Variants in NR3C2 observed in about 807,000 individuals in gnomAD.
NR3C2 encodes the protein mineralocorticoid receptor.
In NR3C2, 15 loss-of-function variants were observed where a neutral mutation model predicts 86.4. That is an observed-to-expected ratio of 0.17 (90% CI 0.12 to 0.27). The LOEUF is 0.27. NR3C2 is among the 10% of genes least tolerant of loss of function. The pLI, the probability that NR3C2 is intolerant of heterozygous loss-of-function variation, is 1.00. For missense variants in NR3C2, 960 were observed against 1,195.6 expected, an observed-to-expected ratio of 0.80 and a Z score of 2.91; for synonymous variants, 458 against 450.5, an observed-to-expected ratio of 1.02 and a Z score of -0.21.
At chr4:148,303,200 T>A (rs1424993955) in intron 2 of NR3C2, among the ~76,000 whole-genome samples, 1 of 152,186 alleles carries the variant, frequency 6.6e-6, no homozygotes, top group African/African-American at 2.4e-5. Context: ...CATTTGACAT[T>A]AAATTCTAGA....
At chr4:148,415,154 C>T (rs922885782) in intron 2 of NR3C2, among the ~76,000 whole-genome samples, 3 of 152,054 alleles carry the variant, frequency 2.0e-5, no homozygotes, top group African/African-American at 7.2e-5. Context: ...AAGAACAGTG[C>T]AACTTAAAAT....
chr4:148,221,889 GT>G (rs1737870667), intron 3 of NR3C2, among the ~76,000 whole-genome samples: 1 of 96,480 alleles, frequency 1.0e-5, no homozygotes, highest in Non-Finnish European at 1.9e-5. Flanking sequence ...GCAAGACTCT[GT>G]CTTAAAAAAA....
chr4:148,156,908 A>G (rs1160717986), intron 4 of NR3C2, among the ~76,000 whole-genome samples: 1 of 152,102 alleles, frequency 6.6e-6, no homozygotes, highest in Non-Finnish European at 1.5e-5. Context: ...ACCAACCCAA[A>G]TGTCCAACAA....
At chr4:148,263,459 C>T (rs1013605082) in intron 2 of NR3C2, among the ~76,000 whole-genome samples, 24 of 152,300 alleles carry the variant, frequency 1.6e-4, no homozygotes, top group African/African-American at 5.3e-4. Context: ...GCCCTTGTTA[C>T]TTCCCAAGGG....
At chr4:148,254,482 C>G (rs1739729069) in intron 3 of NR3C2, among the ~76,000 whole-genome samples, 1 of 152,188 alleles carries the variant, frequency 6.6e-6, no homozygotes. Flanking sequence ...CTTCCCTGAC[C>G]TTTCAGGGTG....
At chr4:148,195,261 T>C (rs993307165) in intron 3 of NR3C2, among the ~76,000 whole-genome samples, 7 of 152,234 alleles carry the variant, frequency 4.6e-5, no homozygotes, top group Non-Finnish European at 1.0e-4. Flanking sequence ...GTGACTTCAC[T>C]GGGATTTCAT....
intron 2 of NR3C2, among the ~76,000 whole-genome samples, chr4:148,427,354 C>T (rs192469511): frequency 1.3e-5 from 2 of 152,064 alleles, no homozygotes; most frequent in Non-Finnish European, 2.9e-5. Flanking sequence ...ATCAACTCCT[C>T]CCCTTCCTCT....
At chr4:148,242,264 A>T (rs1005823348) in intron 3 of NR3C2, among the ~76,000 whole-genome samples, 1 of 152,180 alleles carries the variant, frequency 6.6e-6, no homozygotes, top group Non-Finnish European at 1.5e-5. Flanking sequence ...AAACAGGCAC[A>T]AAGTAAGGAG....
intron 4 of NR3C2, among the ~76,000 whole-genome samples, chr4:148,186,701 C>A (rs778097985): frequency 5.2e-4 from 79 of 151,744 alleles, no homozygotes; most frequent in Non-Finnish European, 1.0e-3. Flanking sequence ...GATTTTGGTG[C>A]ACCCATCATC....
chr4:148,130,335 T>G (rs1732960264), intron 6 of NR3C2, among the ~76,000 whole-genome samples: 1 of 152,218 alleles, frequency 6.6e-6, no homozygotes, highest in African/African-American at 2.4e-5. Flanking sequence ...CTCTTCCACC[T>G]ATGGGAACCT....
intron 2 of NR3C2, among the ~76,000 whole-genome samples, chr4:148,323,177 C>T (rs186531613): frequency 1.4e-5 from 2 of 144,618 alleles, no homozygotes; most frequent in South Asian, 2.4e-4. Context: ...GGGTGCCTCC[C>T]AGTTAGGCTG....
rs150098834 is a variant in NR3C2, at chr4:148,188,594, C to T, written c.2014+6152G>A. On this transcript the variant is annotated intron_variant, in intron 4 of 8. Transcript: ENST00000358102. ...TGTACATTATTCTTGTATCCGGAGACGTTGCTGAATTCTTTTATCAGTTCT... is the reference window on the plus strand; with the variant it reads ...TGTACATTATTCTTGTATCCGGAGATGTTGCTGAATTCTTTTATCAGTTCT... Among the ~76,000 whole-genome samples the T allele has an allele frequency of 8.0e-3, 1,214 of 152,142 alleles. 10 individuals are homozygous for T. Among genetic ancestry groups the T allele is most frequent in the African/African-American group, 0.028 (1,152 of 41,494 alleles).
chr4:148,113,864 G>A (rs1340738984), intron 8 of NR3C2, among the ~76,000 whole-genome samples: 1 of 152,124 alleles, frequency 6.6e-6, no homozygotes, highest in Non-Finnish European at 1.5e-5. Flanking sequence ...TTTATAAATG[G>A]GAGTGGTTTT....
At chr4:148,186,929 C>T (rs1322402014) in intron 4 of NR3C2, among the ~76,000 whole-genome samples, 1 of 146,794 alleles carries the variant, frequency 6.8e-6, no homozygotes, top group African/African-American at 2.5e-5. Context: ...CAGGTCACTG[C>T]AAATGCTGTT....
chr4:148,081,295 G>A lies in NR3C2; in HGVS notation c.*49C>T, dbSNP rs1730542468. 1.2e-6 allele frequency: 2 copies of A among 1,612,838 alleles called. No homozygotes were observed. Among genetic ancestry groups the A allele is most frequent in the Non-Finnish European group, 1.7e-6 (2 of 1,178,890 alleles). ...GGTTTTCTTGGGTCCTTCTGGGTGT[G>A]GAACAACACAGGGAAACTTAAGGCA... On this transcript the variant is annotated 3_prime_UTR_variant, in exon 9 of 9. Transcript: ENST00000358102.
At chr4:148,226,148 A>C (rs148482132) in intron 3 of NR3C2, among the ~76,000 whole-genome samples, 1 of 152,340 alleles carries the variant, frequency 6.6e-6, no homozygotes, top group African/African-American at 2.4e-5. Flanking sequence ...TAAGATCTTA[A>C]TCAAAACCAG....
At position 148,081,355 on chromosome 4, in the gene NR3C2, G is replaced by T; in HGVS notation, c.2944C>A (p.His982Asn). Residue 982 changes from histidine (H) to asparagine (N), a missense_variant, in exon 9 of 9, where the codon CAC (histidine) becomes AAC (asparagine). By Grantham distance (68) the His-to-Asn change is moderately conservative (BLOSUM62 1). This residue lies in a region of NR3C2 where 151 missense variants were observed against 296.3 expected (regional missense o/e 0.51). Coordinates refer to ENST00000358102, the MANE Select transcript of NR3C2 (RefSeq NM_000901.5). The stretch of plus-strand genomic sequence containing the variant: ...TGGGCAGCGGGCAGTCACTTCCGGT[G>T]GAAGTAGAGCGGCTTGGCGTTCCCC... ...ESGNAKPLYF[H>N]RK 1 of 1,614,200 alleles carries T rather than the reference G, an allele frequency of 6.2e-7. No homozygotes were observed. Among genetic ancestry groups the T allele is most frequent in the Non-Finnish European group, 8.5e-7 (1 of 1,180,028 alleles).
At chr4:148,117,513 T>C (rs910017574) in intron 7 of NR3C2, among the ~76,000 whole-genome samples, 4 of 129,286 alleles carry the variant, frequency 3.1e-5, no homozygotes, top group Non-Finnish European at 5.3e-5. Context: ...TCATAGAGGA[T>C]ACTCAACATA....
intron 2 of NR3C2, among the ~76,000 whole-genome samples, chr4:148,359,456 T>G (rs755161631): frequency 6.6e-6 from 1 of 152,206 alleles, no homozygotes; most frequent in Non-Finnish European, 1.5e-5. Context: ...CAACAAAGGA[T>G]TCTAGTGACC....
Sources: gnomAD v4.1 joint callset for allele counts (sites outside exome capture counted in the v4.1 genomes callset) on GRCh38, gnomAD v4.1.1 for gene constraint, gnomAD v4.1.1 regional missense constraint, MANE v1.5 for transcripts, NCBI Gene and HGNC (gene_info 2026-07-23, HGNC 2026-07-21) for gene names.